The following CYGB variants were observed in gnomAD, a reference collection of about 807,000 sequenced individuals.
CYGB encodes histoglobin.
A neutral mutation model predicts 20.7 loss-of-function variants in CYGB; 13 were observed. That is an observed-to-expected ratio of 0.63 (90% CI 0.41 to 1.00). The LOEUF is 1.00. CYGB is among the 50% of genes least tolerant of loss of function. CYGB has a pLI of 0.00. For missense variants in CYGB, 218 were observed against 257.2 expected (o/e 0.85, Z 1.04); for synonymous variants, 93 against 107.4 (o/e 0.87, Z 0.83).
At chr17:76,529,938 CG>C in intron 3 of CYGB, 3 of 985,268 alleles carry the variant, frequency 3.0e-6, no homozygotes, top group Non-Finnish European at 3.6e-6. Flanking sequence ...GGAGCCAGCC[CG>C]GGGCCAGTGT....
intron 1 of CYGB, among the ~76,000 whole-genome samples, chr17:76,547,852 CAGACAT>C (rs2075068766): frequency 6.9e-6 from 1 of 145,328 alleles, no homozygotes; most frequent in African/African-American, 2.5e-5. Context: ...CACACACACA[CAGACAT>C]ACACATATAC....
chr17:76,542,992 G>A, intron 1 of CYGB: 1 of 488,864 alleles, frequency 2.0e-6, no homozygotes, highest in Non-Finnish European at 4.2e-6. Context: ...CCCCAGGTGT[G>A]GGAGAAGTGC....
At chr17:76,540,306 GCGTGAA>G (rs2074975473), upstream of CYGB, 10 of 1,423,518 alleles carry the variant, frequency 7.0e-6, 1 homozygote, top group South Asian at 1.2e-4. This position sits in a 1 kb window ranked among gnomAD's most constrained non-coding sequence, Gnocchi z 5.0. Context: ...GGCAGGGGCT[GCGTGAA>G]CCTTCAGCGG....
chr17:76,534,732 G>A (rs2074896479), intron 1 of CYGB, among the ~76,000 whole-genome samples: 1 of 152,200 alleles, frequency 6.6e-6, no homozygotes, highest in Non-Finnish European at 1.5e-5. Context: ...ACACTGCCTG[G>A]AGAGACAGCT....
At position 76,527,874 on chromosome 17, in the gene CYGB, T is replaced by C. The variant is rs1258644301; in HGVS notation, c.*704A>G. ...TGAGGGAGTAGGGGGAGCCCACTCC[T>C]TTCTGCCTGGAAGTGGAATTCAGGA... On this transcript the variant is annotated 3_prime_UTR_variant, in exon 4 of 4. Coordinates refer to ENST00000293230, the MANE Select transcript of CYGB (RefSeq NM_134268.5). The C allele has an allele frequency of 2.2e-6, 1 of 444,542 alleles. No individual in the cohort carries two copies. The highest frequency in any genetic ancestry group is 2.0e-5 in the African/African-American group (1 of 49,906). 27.5% of individuals were successfully genotyped at this position (444,542 alleles called of 1,614,324 possible).
Position 76,537,446 on chromosome 17 carries a change from G to C in CYGB, c.97C>G (p.Arg33Gly), listed in dbSNP as rs749158794. Residue 33 changes from arginine (R) to glycine (G), a missense_variant, in exon 1 of 4, where the codon CGG becomes GGG. By Grantham distance (125) the Arg-to-Gly change is moderately radical. Transcript: ENST00000293230. ...ERKAVQAMWA[R>G]LYANCEDVGV... is the part of the protein sequence containing the mutation. The stretch of plus-strand genomic sequence containing the variant: ...ACGTCCTCGCAGTTGGCATAGAGCC[G>C]GGCCCACATAGCCTGCACCGCCTTC... The C allele has an allele frequency of 1.3e-6, 2 of 1,598,614 alleles. No individual in the cohort carries two copies. The highest frequency in any genetic ancestry group is 1.7e-6 in the Non-Finnish European group (2 of 1,172,982).
upstream of CYGB, chr17:76,540,523 T>TGGGGCAGCTA (rs1009828411): frequency 5.0e-6 from 8 of 1,612,780 alleles, no homozygotes; most frequent in Admixed American, 5.0e-5. The surrounding 1 kb of genome is among the most constrained non-coding windows in gnomAD (Gnocchi z 5.0). Context: ...GCGACGTGGA[T>TGGGGCAGCTA]GGGGCAGCTA....
At chr17:76,536,022 C>T (rs969166051) in intron 1 of CYGB, among the ~76,000 whole-genome samples, 7 of 152,196 alleles carry the variant, frequency 4.6e-5, no homozygotes, top group African/African-American at 1.7e-4. Flanking sequence ...ATCTGCGGCT[C>T]TGCTACCCAC....
chr17:76,541,201 G>A (rs1029812916), upstream of CYGB, among the ~76,000 whole-genome samples: 52 of 152,290 alleles, frequency 3.4e-4, 1 homozygote, highest in Non-Finnish European at 2.9e-5. Flanking sequence ...GATGATAGGG[G>A]CGCCTATCCC....
chr17:76,542,885 T>G (rs549967225), intron 1 of CYGB: 6 of 598,678 alleles, frequency 1.0e-5, no homozygotes, highest in African/African-American at 9.1e-5. Flanking sequence ...GGCTTGGGGA[T>G]GGCGAGGTGG....
upstream of CYGB, among the ~76,000 whole-genome samples, chr17:76,539,604 T>A (rs1203333638): frequency 6.6e-6 from 1 of 152,212 alleles, no homozygotes; most frequent in Non-Finnish European, 1.5e-5. Context: ...CATCATTGCT[T>A]CACCTCCATT....
rs1321016773 is a variant in CYGB at position 76,530,670 on chromosome 17, C to T, written c.539+309G>A. Among the ~76,000 whole-genome samples, 5 of 152,160 alleles carry T rather than the reference C, an allele frequency of 3.3e-5. No homozygotes were observed. In the South Asian group the frequency reaches 1.0e-3, roughly 32 times the overall value. ...GGACCTTACCGCCAGGAGCCTCTGG[C>T]GCCTCTCTGCCTGGGCAGCTGTGGC... On this transcript the variant is annotated intron_variant, in intron 3 of 3. Transcript: ENST00000293230. The surrounding 1 kb of genome is among the most constrained non-coding windows in gnomAD (Gnocchi z 6.1).
chr17:76,532,988 C>T (rs957115538), intron 1 of CYGB, among the ~76,000 whole-genome samples: 2 of 152,214 alleles, frequency 1.3e-5, no homozygotes, highest in Non-Finnish European at 2.9e-5. Context: ...TCTGCCCCTT[C>T]GTGTGTCCCC....
At position 76,531,218 on chromosome 17, in the gene CYGB, A is replaced by G; in HGVS notation, c.376-76T>C. On this transcript the variant is annotated intron_variant, in intron 2 of 3. Coordinates refer to ENST00000293230, the MANE Select transcript of CYGB (RefSeq NM_134268.5). The surrounding 1 kb of genome is among the most constrained non-coding windows in gnomAD (Gnocchi z 7.4). ...TGCAACCCCCAGGCCCCTCCGCCCC[A>G]CGTGTGGCCGAGAGGATCATTCCTA... 6.8e-7 allele frequency: 1 copy of G among 1,463,990 alleles called. No homozygotes were observed. Among genetic ancestry groups the G allele is most frequent in the Non-Finnish European group, 9.3e-7 (1 of 1,070,100 alleles). The allele number at this position is 1,463,990 out of a possible 1,614,324, so 90.7% of individuals were successfully genotyped here.
In CYGB at chr17:76,528,588, G is replaced by A; in HGVS notation, c.563C>T (p.Ser188Leu). The A allele has an allele frequency of 7.8e-7, 1 of 1,288,052 alleles. No individual in the cohort carries two copies. 79.8% of individuals were successfully genotyped at this position (1,288,052 alleles called of 1,614,324 possible). Residue 188 changes from serine (S) to leucine (L), a missense_variant, in exon 4 of 4, where the codon TCG (serine) becomes TTG (leucine). Transcript: ENST00000293230. The surrounding 1 kb of genome is among the most constrained non-coding windows in gnomAD (Gnocchi z 5.8). The stretch of plus-strand genomic sequence containing the variant: ...GTGGAGTTAGGGGTCCTACGGCCCC[G>A]AAGAGGGCAGTGTGGCCGGTGGGCT... ...ATTPPATLPS[S>L]GP
rs1369024343 is a variant in CYGB at position 76,528,553 on chromosome 17, A to G, written c.*25T>C. 2 of 1,218,814 alleles carry G rather than the reference A, an allele frequency of 1.6e-6. No individual in the cohort carries two copies. Among genetic ancestry groups the G allele is most frequent in the South Asian group, 3.0e-5 (1 of 33,452 alleles). 75.5% of individuals were successfully genotyped at this position (1,218,814 alleles called of 1,614,324 possible). The stretch of plus-strand genomic sequence containing the variant: ...TCGGCCTTCTGCTCGAGGTGCTGCC[A>G]GGGAGGGGGGTGGAGTTAGGGGTCC... On this transcript the variant is annotated 3_prime_UTR_variant, in exon 4 of 4. Coordinates refer to ENST00000293230, the MANE Select transcript of CYGB (RefSeq NM_134268.5). This position sits in a 1 kb window ranked among gnomAD's most constrained non-coding sequence, Gnocchi z 5.8.
intron 1 of CYGB, among the ~76,000 whole-genome samples, chr17:76,547,869 A>G (rs897580082): frequency 6.6e-6 from 1 of 151,624 alleles, no homozygotes; most frequent in Non-Finnish European, 1.5e-5. Context: ...ACACATATAC[A>G]TATTCACACA....
In CYGB at chr17:76,542,956, C is replaced by A. The variant is rs533967255; in HGVS notation, c.-53+7906G>T. 608 of 517,122 alleles carry A rather than the reference C, an allele frequency of 1.2e-3. 3 individuals are homozygous for A. The highest frequency in any genetic ancestry group is 7.0e-3 in the Middle Eastern group (23 of 3,296). The allele number at this position is 517,122 out of a possible 1,614,324, so 32.0% of individuals were successfully genotyped here. ...CCAAGGGAGAGGCGGTGCTCGGAAACATCCACTCTGAAATGCGAGTCCCAT... is the reference window on the plus strand; with the variant it reads ...CCAAGGGAGAGGCGGTGCTCGGAAAAATCCACTCTGAAATGCGAGTCCCAT... On this transcript the variant is annotated intron_variant, in intron 1 of 3. Transcript: ENST00000589145.
chr17:76,545,152 T>G (rs1287514503), intron 1 of CYGB: 2 of 456,560 alleles, frequency 4.4e-6, no homozygotes, highest in African/African-American at 4.0e-5. Context: ...GCTCGCCTCT[T>G]ATTCCCGGGG....
Sources: gnomAD v4.1 joint callset for allele counts (sites outside exome capture counted in the v4.1 genomes callset) on GRCh38, gnomAD v4.1.1 for gene constraint, Gnocchi (gnomAD v3.1) non-coding constraint, MANE v1.5 for transcripts, NCBI Gene and HGNC (gene_info 2026-07-23, HGNC 2026-07-21) for gene names.